TENM3: variants seen among roughly 807,000 people sequenced by gnomAD.
TENM3 encodes teneurin-3.
In TENM3, 63 loss-of-function variants were observed where a neutral mutation model predicts 255.1. The ratio of observed to expected loss-of-function variants is 0.25; its 90% CI spans 0.20 to 0.30. TENM3 has a LOEUF of 0.30. Ranked by LOEUF, TENM3 falls within the 10% of genes least tolerant of loss-of-function variation. The pLI, the probability that TENM3 is intolerant of heterozygous loss-of-function variation, is 1.00. For synonymous variants in TENM3, 1,306 were observed against 1,322.3 expected (o/e 0.99, Z 0.27); for missense variants, 2,929 against 3,461.1 (o/e 0.85, Z 3.86).
Position 182,364,239 on chromosome 4 carries a change from C to A in TENM3, c.511+17310C>A, listed in dbSNP as rs572956102. 2.6e-5 allele frequency among the ~76,000 whole-genome samples: 4 copies of A among 151,996 alleles called. No individual in the cohort carries two copies. In the East Asian group the frequency reaches 5.9e-4, roughly 22 times the overall value. On this transcript the variant is annotated intron_variant, in intron 3 of 27. Coordinates refer to ENST00000511685, the MANE Select transcript of TENM3 (RefSeq NM_001080477.4). ...AATCATTTGAGTGTTTAAATCAATG[C>A]CCTTAAGTTATCTATGATGTGATTT...
At chr4:182,490,222 C>T (rs924420505) in intron 3 of TENM3, among the ~76,000 whole-genome samples, 7 of 152,124 alleles carry the variant, frequency 4.6e-5, no homozygotes, top group Admixed American at 2.0e-4. Context: ...GATACTTGGC[C>T]TTTTGAATAA....
chr4:182,100,447 AAATAT>A, the TENM3 span, among the ~76,000 whole-genome samples: 1 of 88,260 alleles, frequency 1.1e-5, no homozygotes, highest in Admixed American at 1.4e-4. Context: ...GTAAAAAAAA[AAATAT>A]ATATATATAT....
At chr4:182,136,558 G>A in the TENM3 span, among the ~76,000 whole-genome samples, 305 of 152,266 alleles carry the variant, frequency 2.0e-3, no homozygotes, top group African/African-American at 6.9e-3. Flanking sequence ...CATATGATAA[G>A]GATATTAACA....
intron 4 of TENM3, among the ~76,000 whole-genome samples, chr4:182,608,390 C>CA (rs1748635743): frequency 6.6e-6 from 1 of 152,160 alleles, no homozygotes; most frequent in African/African-American, 2.4e-5. Flanking sequence ...TCCTGAGTAG[C>CA]ATGGACTACA....
chr4:182,759,903 A>G (rs1763011664), intron 22 of TENM3, among the ~76,000 whole-genome samples: 1 of 152,184 alleles, frequency 6.6e-6, no homozygotes, highest in African/African-American at 2.4e-5. Flanking sequence ...CCCTATTGTG[A>G]TTCATTAGAG....
intron 3 of TENM3, among the ~76,000 whole-genome samples, chr4:182,497,818 T>C (rs1013885770): frequency 2.0e-5 from 3 of 147,564 alleles, no homozygotes; most frequent in African/African-American, 7.6e-5. Context: ...TATATATATG[T>C]AGCATATACC....
the TENM3 span, among the ~76,000 whole-genome samples, chr4:181,499,893 G>A: frequency 6.6e-6 from 1 of 152,196 alleles, no homozygotes; most frequent in Non-Finnish European, 1.5e-5. Flanking sequence ...ACTTTCAGAA[G>A]TGGCGCAGTC....
chr4:182,371,801 T>G (rs1310146846), intron 3 of TENM3, among the ~76,000 whole-genome samples: 1 of 152,228 alleles, frequency 6.6e-6, no homozygotes, highest in African/African-American at 2.4e-5. Context: ...AATACATGTT[T>G]CTTTCAACTT....
At position 182,431,088 on chromosome 4, in the gene TENM3, G is replaced by A. The variant is rs181365639; in HGVS notation, c.511+84159G>A. 3.6e-4 allele frequency among the ~76,000 whole-genome samples: 54 copies of A among 152,112 alleles called. 2 individuals carry two copies. Among genetic ancestry groups the A allele is most frequent in the Admixed American group, 3.1e-3 (47 of 15,260 alleles). On this transcript the variant is annotated intron_variant, in intron 3 of 27. Transcript: ENST00000511685. ...ATAACTGACTTTGGTAGCATGGAAA[G>A]GGGGTACTGATGAGGTGAGAAAAGG...
chr4:181,570,035 CTT>C, the TENM3 span, among the ~76,000 whole-genome samples: 41 of 113,842 alleles, frequency 3.6e-4, no homozygotes, highest in African/African-American at 1.0e-3. Flanking sequence ...ACAAATGTTT[CTT>C]TTTTTTTTTT....
chr4:181,911,137 C>T, the TENM3 span, among the ~76,000 whole-genome samples: 7 of 152,132 alleles, frequency 4.6e-5, no homozygotes, highest in Non-Finnish European at 8.8e-5. Context: ...TGAGAAAAAG[C>T]GGGTAATTTG....
At chr4:181,471,952 C>A in the TENM3 span, among the ~76,000 whole-genome samples, 1 of 152,064 alleles carries the variant, frequency 6.6e-6, no homozygotes, top group South Asian at 2.1e-4. Context: ...GGCAACTTAG[C>A]AAAGCTTATT....
intron 3 of TENM3, among the ~76,000 whole-genome samples, chr4:182,442,452 C>A (rs1429970919): frequency 6.6e-6 from 1 of 152,190 alleles, no homozygotes; most frequent in Non-Finnish European, 1.5e-5. Flanking sequence ...CTATAGACAA[C>A]TACCCATCTG....
chr4:181,912,976 G>A, the TENM3 span, among the ~76,000 whole-genome samples: 14 of 152,142 alleles, frequency 9.2e-5, no homozygotes, highest in African/African-American at 2.6e-4. Flanking sequence ...GCAGACCTTT[G>A]GAAATGCATA....
the TENM3 span, among the ~76,000 whole-genome samples, chr4:181,499,526 C>G: frequency 1.3e-5 from 2 of 152,040 alleles, no homozygotes; most frequent in Non-Finnish European, 2.9e-5. Flanking sequence ...TGAAGGGGCA[C>G]AGAGGAGGGA....
chr4:181,906,832 C>CCACCACTGTACTAGGCTTCTTCTTGTTTT, the TENM3 span, among the ~76,000 whole-genome samples: 4 of 152,200 alleles, frequency 2.6e-5, no homozygotes, highest in Admixed American at 2.0e-4. Flanking sequence ...CAGGCATGGG[C>CCACCACTGTACTAGGCTTCTTCTTGTTTT]CACCACTGTA....
chr4:181,605,570 G>GAAAGAAAGAAAGAAAGAAAC, the TENM3 span, among the ~76,000 whole-genome samples: 1 of 24,788 alleles, frequency 4.0e-5, no homozygotes, highest in African/African-American at 9.8e-5. Flanking sequence ...AAGAAAGAAA[G>GAAAGAAAGAAAGAAAGAAAC]AGAGAGAAAG....
chr4:182,684,019 A>T (rs1181858345), intron 11 of TENM3, among the ~76,000 whole-genome samples: 1 of 151,832 alleles, frequency 6.6e-6, no homozygotes, highest in Non-Finnish European at 1.5e-5. Context: ...AAGTTGGGAA[A>T]GGGGGAGGCT....
intron 3 of TENM3, among the ~76,000 whole-genome samples, chr4:182,594,503 C>CTG (rs1746983496): frequency 6.6e-6 from 1 of 152,120 alleles, no homozygotes; most frequent in Non-Finnish European, 1.5e-5. Context: ...TCAGCCTGGG[C>CTG]AACACAGCAA....
Sources: allele counts gnomAD v4.1 joint callset (sites outside exome capture counted in the v4.1 genomes callset), GRCh38; gene constraint gnomAD v4.1.1; transcripts MANE v1.5; gene names NCBI Gene and HGNC (gene_info 2026-07-23, HGNC 2026-07-21).